FREM2: variants seen among roughly 807,000 people sequenced by gnomAD.
The protein encoded by FREM2 is FRAS1 related extracellular matrix 2, also known as FRAS1-related extracellular matrix protein 2.
A neutral mutation model predicts 219.9 loss-of-function variants in FREM2; 119 were observed. The observed-to-expected ratio is 0.54, with a 90% CI of 0.47 to 0.63. The LOEUF (loss-of-function observed/expected upper bound fraction) is 0.63. Ranked by LOEUF, FREM2 falls within the 30% of genes least tolerant of loss-of-function variation. FREM2 has a pLI of 0.00. For synonymous variants in FREM2, 1,562 were observed against 1,522.8 expected (o/e 1.03, Z -0.60); for missense variants, 4,030 against 3,993.6 (o/e 1.01, Z -0.25).
intron 2 of FREM2, among the ~76,000 whole-genome samples, chr13:38,701,186 A>G (rs1870328904): frequency 6.6e-6 from 1 of 152,092 alleles, no homozygotes; most frequent in South Asian, 2.1e-4. Context: ...ATTAGTAAAG[A>G]GCATGAAAAT....
At chr13:38,851,230 G>T in intron 10 of FREM2, 122 bp downstream of exon 10, 1 of 906,678 alleles carries the variant, frequency 1.1e-6, no homozygotes, top group Non-Finnish European at 1.7e-6. Flanking sequence ...GGGTTTTTAA[G>T]CAATTGAGAA....
chr13:38,715,705 A>G (rs1447277037), intron 2 of FREM2, among the ~76,000 whole-genome samples: 3 of 152,116 alleles, frequency 2.0e-5, no homozygotes, highest in Non-Finnish European at 4.4e-5. Flanking sequence ...TTCAAGATTA[A>G]TGGAGATAAC....
chr13:38,701,041 T>C (rs1870323915), intron 2 of FREM2, among the ~76,000 whole-genome samples: 1 of 152,074 alleles, frequency 6.6e-6, no homozygotes, highest in South Asian at 2.1e-4. Flanking sequence ...GTTTGTTATA[T>C]AGGTAAAGTC....
intron 6 of FREM2, among the ~76,000 whole-genome samples, chr13:38,831,891 A>G (rs1259786019): frequency 6.6e-6 from 1 of 151,356 alleles, no homozygotes; most frequent in African/African-American, 2.4e-5. Context: ...GAGTGCTGGG[A>G]TTATAGCCGT....
At position 38,881,668 on chromosome 13, in the gene FREM2, T is replaced by TA. The variant is rs1878554974; in HGVS notation, c.*882dup. ...GACAATGTTCTCTAAGAACTGAGCC[T>TA]AGATGTTTGCAGTATTGAACCCATA... On this transcript the variant is annotated 3_prime_UTR_variant, in exon 24 of 24. Transcript: ENST00000280481. 6.6e-6 allele frequency: 1 copy of TA among 152,596 alleles called. No individual in the cohort carries two copies. Among genetic ancestry groups the TA allele is most frequent in the Non-Finnish European group, 1.5e-5 (1 of 68,038 alleles). 9.5% of individuals were successfully genotyped at this position (152,596 alleles called of 1,614,324 possible).
At chr13:38,725,113 C>T (rs1871460814) in intron 2 of FREM2, among the ~76,000 whole-genome samples, 1 of 152,194 alleles carries the variant, frequency 6.6e-6, no homozygotes, top group Non-Finnish European at 1.5e-5. Context: ...CCAGCCTATG[C>T]TGTATAGGCC....
chr13:38,846,845 G>T (rs1877176691), intron 7 of FREM2, 123 bp downstream of exon 7: 1 of 1,100,766 alleles, frequency 9.1e-7, no homozygotes. Context: ...TATTGTTTTT[G>T]CTGAAATTAT....
At position 38,846,616 on chromosome 13, in the gene FREM2, G is replaced by A. The variant is rs762961621; in HGVS notation, c.6063G>A (p.Glu2021=). 11 of 1,613,658 alleles carry A rather than the reference G, an allele frequency of 6.8e-6. No individual in the cohort carries two copies. Among genetic ancestry groups the A allele is most frequent in the African/African-American group, 1.3e-5 (1 of 74,888 alleles). The change falls in exon 7 of 24, where the codon GAG becomes GAA. Residue 2021 remains glutamate, a synonymous_variant. Transcript: ENST00000280481. ...GTGATGTGGAATACTCTGTGGATGA[G>A]AGTGCTGGCTATGTGGAAGTGCAGG... ...YFGDVEYSVD[E]SAGYVEVQVW...
intron 6 of FREM2, among the ~76,000 whole-genome samples, chr13:38,840,650 A>G (rs7326516): frequency 9.4e-5 from 14 of 148,828 alleles, no homozygotes; most frequent in African/African-American, 1.0e-4. Flanking sequence ...ATATATGTGT[A>G]TGTATATATA....
chr13:38,794,835 A>T (rs921193232), intron 6 of FREM2, among the ~76,000 whole-genome samples: 10 of 152,160 alleles, frequency 6.6e-5, no homozygotes, highest in Non-Finnish European at 1.2e-4. Flanking sequence ...AATACTACAC[A>T]TACAATACTA....
chr13:38,768,558 T>C (rs1245280014), intron 3 of FREM2, among the ~76,000 whole-genome samples: 1 of 152,162 alleles, frequency 6.6e-6, no homozygotes, highest in East Asian at 1.9e-4. Context: ...ATGATAAACC[T>C]GAGCCACCAT....
chr13:38,849,911 G>A, intron 8 of FREM2, 127 bp from the exon 9 acceptor site: 1 of 780,284 alleles, frequency 1.3e-6, no homozygotes, highest in Non-Finnish European at 2.2e-6. Context: ...ATTGGCAAGT[G>A]ACTGAATGGA....
chr13:38,696,100 C>A (rs1482358581), intron 1 of FREM2, among the ~76,000 whole-genome samples: 1 of 151,982 alleles, frequency 6.6e-6, no homozygotes, highest in African/African-American at 2.4e-5. Flanking sequence ...TTGAGGCCAG[C>A]CTGGGCGACA....
At chr13:38,779,479 A>C (rs1467318257) in intron 4 of FREM2, 1 of 152,116 alleles carries the variant, frequency 6.6e-6, no homozygotes, top group Non-Finnish European at 1.5e-5. Context: ...CCCCTGTGCA[A>C]GGATGCCAAG....
At chr13:38,695,958 C>T (rs554691279) in intron 1 of FREM2, among the ~76,000 whole-genome samples, 1 of 152,010 alleles carries the variant, frequency 6.6e-6, no homozygotes, top group African/African-American at 2.4e-5. Context: ...GGAAAGATAA[C>T]CATACAGAAA....
intron 6 of FREM2, among the ~76,000 whole-genome samples, chr13:38,839,622 G>C (rs1876861198): frequency 6.6e-6 from 1 of 152,310 alleles, no homozygotes; most frequent in South Asian, 2.1e-4. Context: ...CCCTGACTGG[G>C]GCTGCAGCCT....
At chr13:38,774,977 T>C (rs1388971754) in intron 4 of FREM2, among the ~76,000 whole-genome samples, 1 of 152,226 alleles carries the variant, frequency 6.6e-6, no homozygotes, top group Non-Finnish European at 1.5e-5. Flanking sequence ...ATTTGATCTC[T>C]GTAATCATTT....
At position 38,848,630 on chromosome 13, in the gene FREM2, C is replaced by A; in HGVS notation, c.6339C>A (p.Pro2113=). The A allele has an allele frequency of 6.2e-7, 1 of 1,613,890 alleles. No individual in the cohort carries two copies. Among genetic ancestry groups the A allele is most frequent in the South Asian group, 1.1e-5 (1 of 91,076 alleles). Residue 2113 remains proline (P), a synonymous_variant, in exon 8 of 24, where the codon CCC becomes CCA. Coordinates refer to ENST00000280481, the MANE Select transcript of FREM2 (RefSeq NM_207361.6). The part of the protein sequence containing the change: ...RMPMNAALGE[P]SKATVSINDS... ...CTATGAACGCAGCCCTTGGCGAGCC[C>A]AGCAAAGCCACAGTGTCCATAAATG...
At chr13:38,755,245 C>CT (rs1415739299) in intron 2 of FREM2, among the ~76,000 whole-genome samples, 2 of 151,994 alleles carry the variant, frequency 1.3e-5, no homozygotes, top group African/African-American at 2.4e-5. Flanking sequence ...AGGATAGGTG[C>CT]TTTCCATAGT....
Sources: allele counts gnomAD v4.1 joint callset (sites outside exome capture counted in the v4.1 genomes callset), GRCh38; gene constraint gnomAD v4.1.1; transcripts MANE v1.5; gene names NCBI Gene and HGNC (gene_info 2026-07-23, HGNC 2026-07-21).